Variants in TMEM233 observed in about 807,000 individuals in gnomAD.
The protein encoded by TMEM233 is dispanin subfamily B member 2.
TMEM233 carries 6 observed loss-of-function variants against 11.2 expected under a neutral mutation model. The observed-to-expected ratio is 0.54, with a 90% CI of 0.29 to 1.06. TMEM233 has a LOEUF of 1.06. Ranked by LOEUF, TMEM233 falls within the 50% of genes least tolerant of loss-of-function variation. The pLI, the probability that TMEM233 is intolerant of heterozygous loss-of-function variation, is 0.08. For missense variants in TMEM233, 127 were observed against 144.7 expected, an observed-to-expected ratio of 0.88 and a Z score of 0.63; for synonymous variants, 59 against 55.8, an observed-to-expected ratio of 1.06 and a Z score of -0.26.
intron 1 of TMEM233, among the ~76,000 whole-genome samples, chr12:119,606,193 A>G (rs1954275914): frequency 6.6e-6 from 1 of 152,228 alleles, no homozygotes; most frequent in Non-Finnish European, 1.5e-5. Flanking sequence ...AATTTAAAAC[A>G]ATATTGATCT....
chr12:119,607,577 G>A (rs1010233550), intron 1 of TMEM233, among the ~76,000 whole-genome samples: 1 of 151,412 alleles, frequency 6.6e-6, no homozygotes, highest in Non-Finnish European at 1.5e-5. Flanking sequence ...ATTCAACAAG[G>A]AGAACAAGGT....
chr12:119,605,500 T>C (rs899654468), intron 1 of TMEM233, among the ~76,000 whole-genome samples: 2 of 138,118 alleles, frequency 1.4e-5, no homozygotes, highest in Admixed American at 8.4e-5. Flanking sequence ...CAACCACAGG[T>C]CACTGCAGCC....
intron 1 of TMEM233, among the ~76,000 whole-genome samples, chr12:119,600,932 A>C (rs949787044): frequency 3.9e-5 from 6 of 152,166 alleles, no homozygotes; most frequent in Non-Finnish European, 8.8e-5. Context: ...AATAGTTAAA[A>C]TGGTCAATTT....
rs558972551 is a variant in TMEM233 at position 119,601,939 on chromosome 12, T to C, written c.186+7905T>C. 8.5e-5 allele frequency among the ~76,000 whole-genome samples: 13 copies of C among 152,280 alleles called. No individual in the cohort carries two copies. The South Asian group carries it at 2.3e-3, about 27-fold the overall frequency. ...TAGAAAAGAGACAGAGAAATGCTCC[T>C]GAAAACAAGGCAACCAGTCTCTCAC... On this transcript the variant is annotated intron_variant, in intron 1 of 2. Coordinates refer to ENST00000426426, the MANE Select transcript of TMEM233 (RefSeq NM_001136534.3).
the TMEM233 span, among the ~76,000 whole-genome samples, chr12:119,650,991 GA>G: frequency 6.6e-6 from 1 of 152,144 alleles, no homozygotes; most frequent in African/African-American, 2.4e-5. Context: ...CAATGTCTAA[GA>G]TATATTTTCT....
chr12:119,604,825 G>T (rs1314797124), intron 1 of TMEM233, among the ~76,000 whole-genome samples: 1 of 151,810 alleles, frequency 6.6e-6, no homozygotes, highest in African/African-American at 2.4e-5. Flanking sequence ...TTAGAAACAG[G>T]GTCTCCCTGT....
At chr12:119,634,767 A>G (rs562874808) in intron 2 of TMEM233, among the ~76,000 whole-genome samples, 50 of 152,316 alleles carry the variant, frequency 3.3e-4, no homozygotes, top group Non-Finnish European at 6.8e-4. Context: ...CAAATGGTTG[A>G]AATCCCGGGT....
chr12:119,631,405 C>A, intron 2 of TMEM233: 1 of 659,718 alleles, frequency 1.5e-6, no homozygotes, highest in Non-Finnish European at 1.9e-6. Context: ...AAGGCAGACC[C>A]AGGAACAACC....
chr12:119,607,680 T>A (rs922936087), intron 1 of TMEM233, among the ~76,000 whole-genome samples: 16 of 150,834 alleles, frequency 1.1e-4, no homozygotes, highest in African/African-American at 3.4e-4. Context: ...GCAAAAATGG[T>A]TCACTGCAGC....
rs983850149 is a variant in TMEM233, at chr12:119,595,453, C to G, written c.186+1419C>G. Among the ~76,000 whole-genome samples, 1 of 152,362 alleles carries G rather than the reference C, an allele frequency of 6.6e-6. No homozygotes were observed. Among genetic ancestry groups the G allele is most frequent in the Middle Eastern group, 3.4e-3 (1 of 294 alleles). On this transcript the variant is annotated intron_variant, in intron 1 of 2. Coordinates refer to ENST00000426426, the MANE Select transcript of TMEM233 (RefSeq NM_001136534.3). This position sits in a 1 kb window ranked among gnomAD's most constrained non-coding sequence, Gnocchi z 4.3. ...TTTGCACCCGTAACTTGCCCTTTCC[C>G]AAACCCGGTTTGTGGACAGCGTCTG...
At chr12:119,640,657 GCCCACGGT>G (rs1955067433) in intron 2 of TMEM233, 34 bp from the exon 3 acceptor site, 4 of 1,547,838 alleles carry the variant, frequency 2.6e-6, no homozygotes, top group Non-Finnish European at 3.5e-6. Context: ...CAGAAGCTCA[GCCCACGGT>G]CTTTCTCTCT....
chr12:119,610,990 G>A (rs1954386719), intron 1 of TMEM233, among the ~76,000 whole-genome samples: 2 of 152,132 alleles, frequency 1.3e-5, no homozygotes, highest in Non-Finnish European at 1.5e-5. Flanking sequence ...GTTCATCCAT[G>A]TTGTAGCATT....
intron 1 of TMEM233, among the ~76,000 whole-genome samples, chr12:119,617,781 C>T (rs1954565556): frequency 6.6e-6 from 1 of 152,070 alleles, no homozygotes; most frequent in African/African-American, 2.4e-5. Flanking sequence ...TGCAGTGAAC[C>T]AAGATCACGC....
At chr12:119,622,363 T>C (rs565570702) in intron 1 of TMEM233, among the ~76,000 whole-genome samples, 10 of 152,320 alleles carry the variant, frequency 6.6e-5, no homozygotes, top group African/African-American at 2.4e-4. Context: ...TGTTCACAAA[T>C]TGCATTAGTA....
In TMEM233 at chr12:119,629,837, C is replaced by T. The variant is rs1369587098; in HGVS notation, c.288C>T (p.Ile96=). 1 of 1,551,570 alleles carries T rather than the reference C, an allele frequency of 6.4e-7. No homozygotes were observed. Among genetic ancestry groups the T allele is most frequent in the African/African-American group, 1.4e-5 (1 of 73,052 alleles). ...AIASIIIGLL[I]IGISCAVHFT... is the part of the protein sequence containing the mutation. ...CCTCCATCATCATTGGCCTTCTCATCATCGGCATTTCTTGTGCAGTTCACT... is the reference window on the plus strand; with the variant it reads ...CCTCCATCATCATTGGCCTTCTCATTATCGGCATTTCTTGTGCAGTTCACT... Residue 96 remains isoleucine (I), a synonymous_variant, in exon 2 of 3, where the codon ATC becomes ATT. Transcript: ENST00000426426.
At chr12:119,636,527 C>T (rs1178551603) in intron 2 of TMEM233, among the ~76,000 whole-genome samples, 2 of 152,016 alleles carry the variant, frequency 1.3e-5, no homozygotes, top group African/African-American at 4.8e-5. Flanking sequence ...TATGTTGCCC[C>T]GGCTGGTCTT....
rs1339621813 is a variant in TMEM233, at chr12:119,613,688, A to C, written c.187-16048A>C. Among the ~76,000 whole-genome samples the C allele has an allele frequency of 2.9e-4, 44 of 152,078 alleles. 2 individuals carry two copies. The highest frequency in any genetic ancestry group is 2.9e-5 in the Non-Finnish European group (2 of 67,990). On this transcript the variant is annotated intron_variant, in intron 1 of 2. Coordinates refer to ENST00000426426, the MANE Select transcript of TMEM233 (RefSeq NM_001136534.3). ...AAATTAGTCGGGCATGGTGGCATGCACCTGTGGTCCCAGCTACTCTGGAGG... is the reference window on the plus strand; with the variant it reads ...AAATTAGTCGGGCATGGTGGCATGCCCCTGTGGTCCCAGCTACTCTGGAGG...
chr12:119,637,568 T>C (rs752413530), intron 2 of TMEM233, among the ~76,000 whole-genome samples: 7 of 152,232 alleles, frequency 4.6e-5, no homozygotes, highest in Non-Finnish European at 1.0e-4. Flanking sequence ...AGCAAATCCC[T>C]CTTCTTTTCT....
intron 1 of TMEM233, among the ~76,000 whole-genome samples, chr12:119,628,137 A>C (rs1954800623): frequency 6.6e-6 from 1 of 151,762 alleles, no homozygotes; most frequent in Admixed American, 6.6e-5. Flanking sequence ...TGCCTCAATC[A>C]AGCTGCTTTT....
Sources: gnomAD v4.1 joint callset for allele counts (sites outside exome capture counted in the v4.1 genomes callset) on GRCh38, gnomAD v4.1.1 for gene constraint, Gnocchi (gnomAD v3.1) non-coding constraint, MANE v1.5 for transcripts, NCBI Gene and HGNC (gene_info 2026-07-23, HGNC 2026-07-21) for gene names.